The following COL19A1 variants were observed in gnomAD, a reference collection of about 807,000 sequenced individuals.
COL19A1 encodes the protein collagen type XIX alpha 1 chain, also known as collagen alpha-1(XIX) chain.
COL19A1 carries 159 observed loss-of-function variants against 190.2 expected under a neutral mutation model. The ratio of observed to expected loss-of-function variants is 0.84; its 90% CI spans 0.73 to 0.95. The LOEUF is 0.95. Ranked by LOEUF, COL19A1 falls within the 40% of genes least tolerant of loss-of-function variation. The pLI is 0.00. For synonymous variants in COL19A1, 509 were observed against 458.9 expected, an observed-to-expected ratio of 1.11 and a Z score of -1.39; for missense variants, 1,418 against 1,431.9, an observed-to-expected ratio of 0.99 and a Z score of 0.16.
At chr6:70,163,425 C>T (rs1411164971) in intron 36 of COL19A1, 29 bp downstream of exon 36, 5 of 1,603,078 alleles carry the variant, frequency 3.1e-6, no homozygotes, top group Non-Finnish European at 4.3e-6. Flanking sequence ...ACTTACCATC[C>T]AAACTGGGGC....
chr6:69,908,144 G>A (rs1387945287), intron 4 of COL19A1, among the ~76,000 whole-genome samples: 1 of 152,162 alleles, frequency 6.6e-6, no homozygotes, highest in Admixed American at 6.5e-5. Context: ...GGACTATTTT[G>A]TAATGCATAG....
chr6:70,111,296 G>T (rs1281887451), intron 16 of COL19A1, among the ~76,000 whole-genome samples: 3 of 152,148 alleles, frequency 2.0e-5, no homozygotes, highest in African/African-American at 7.2e-5. Flanking sequence ...TCAAAGTAAA[G>T]ACTGAAGGAA....
chr6:70,078,387 A>G (rs1782018464), intron 15 of COL19A1, among the ~76,000 whole-genome samples: 1 of 152,244 alleles, frequency 6.6e-6, no homozygotes, highest in Non-Finnish European at 1.5e-5. Flanking sequence ...GGAAGCAGAC[A>G]AGAGAAGAGA....
At chr6:70,044,005 A>G (rs1779772565) in intron 14 of COL19A1, among the ~76,000 whole-genome samples, 1 of 152,198 alleles carries the variant, frequency 6.6e-6, no homozygotes, top group Non-Finnish European at 1.5e-5. Flanking sequence ...ACCTTCATTG[A>G]AGATCTTGGA....
Position 70,207,142 on chromosome 6 carries a change from G to GAA in COL19A1, c.3302-5_3302-4insAA. 6.2e-7 allele frequency: 1 copy of GAA among 1,610,962 alleles called. No individual in the cohort carries two copies. The highest frequency in any genetic ancestry group is 1.3e-5 in the African/African-American group (1 of 74,448). The stretch of plus-strand genomic sequence containing the variant: ...TGCATTGTAATTTTTTTTTTATGTC[G>GAA]TTAGCTCTGGGTTTGCCAGGCTCAC... On this transcript the variant is annotated splice_polypyrimidine_tract_variant and splice_region_variant and intron_variant, in intron 50 of 50. Transcript: ENST00000620364.
chr6:70,029,647 G>T (rs1778922714), intron 12 of COL19A1, among the ~76,000 whole-genome samples: 1 of 152,124 alleles, frequency 6.6e-6, no homozygotes, highest in African/African-American at 2.4e-5. Context: ...GTTTCTCAGA[G>T]GCTATTACAA....
Position 70,156,302 on chromosome 6 carries a change from CCT to C in COL19A1, c.2185-11_2185-10del, listed in dbSNP as rs750541853. On this transcript the variant is annotated splice_polypyrimidine_tract_variant and intron_variant, in intron 32 of 50. Transcript: ENST00000620364. ...AGTGCATCCTCTCAGTTCTGTTCTT[CCT>C]CTGTCTTCTAGGGTGATATAGGGCC... 3 of 1,613,252 alleles carry C rather than the reference CCT, an allele frequency of 1.9e-6. No individual in the cohort carries two copies. In the South Asian group the frequency reaches 3.3e-5, roughly 18 times the overall value.
At chr6:70,151,567 T>G (rs1787058627) in intron 31 of COL19A1, 129 bp downstream of exon 31, 1 of 772,966 alleles carries the variant, frequency 1.3e-6, no homozygotes, top group African/African-American at 1.7e-5. Flanking sequence ...CAGGACATCT[T>G]TAAGATAGGA....
In COL19A1 at chr6:70,146,644, CT is replaced by C; in HGVS notation, c.1771-8del. ...TTCTAGAAGAAGATATGTATTCATACTTTTTTTCTTTTAGGGATTAGATGGA... is the reference window on the plus strand; with the variant it reads ...TTCTAGAAGAAGATATGTATTCATACTTTTTTCTTTTAGGGATTAGATGGA... On this transcript the variant is annotated splice_polypyrimidine_tract_variant and intron_variant, in intron 25 of 50. Coordinates refer to ENST00000620364, the MANE Select transcript of COL19A1 (RefSeq NM_001858.6). The C allele has an allele frequency of 1.3e-6, 2 of 1,594,614 alleles. No homozygotes were observed. Among genetic ancestry groups the C allele is most frequent in the South Asian group, 1.1e-5 (1 of 87,954 alleles).
At position 69,920,357 on chromosome 6, in the gene COL19A1, G is replaced by A. The variant is rs544864813; in HGVS notation, c.267-7552G>A. Among the ~76,000 whole-genome samples the A allele has an allele frequency of 2.0e-3, 310 of 152,194 alleles. 1 individual carries two copies. Among genetic ancestry groups the A allele is most frequent in the African/African-American group, 7.2e-3 (298 of 41,518 alleles). Reference sequence around the variant, plus strand: ...TTTCTTCCATTTTATGATTAAACAGGGGGCTGCTGTACATAGAGAATGTCA... The same window carrying A: ...TTTCTTCCATTTTATGATTAAACAGAGGGCTGCTGTACATAGAGAATGTCA... On this transcript the variant is annotated intron_variant, in intron 4 of 50. Transcript: ENST00000620364.
intron 16 of COL19A1, among the ~76,000 whole-genome samples, chr6:70,114,743 A>T (rs1015795298): frequency 5.3e-5 from 8 of 152,044 alleles, no homozygotes; most frequent in Non-Finnish European, 1.2e-4. Context: ...TTCCTCTGTT[A>T]AAGTCTTTAT....
intron 17 of COL19A1, among the ~76,000 whole-genome samples, chr6:70,129,235 A>G (rs1369401642): frequency 6.6e-6 from 1 of 152,174 alleles, no homozygotes; most frequent in African/African-American, 2.4e-5. Flanking sequence ...AGAGTAACTT[A>G]AGGGAAATGT....
chr6:70,068,133 T>G (rs1781353696), intron 14 of COL19A1, among the ~76,000 whole-genome samples: 1 of 151,976 alleles, frequency 6.6e-6, no homozygotes, highest in South Asian at 2.1e-4. Flanking sequence ...TTATGGTGGT[T>G]TGTTGAAACA....
intron 2 of COL19A1, among the ~76,000 whole-genome samples, chr6:69,886,151 G>T (rs1290878792): frequency 2.0e-5 from 3 of 152,024 alleles, no homozygotes; most frequent in Admixed American, 2.0e-4. Flanking sequence ...CAAATAATCT[G>T]ATTTAAAAAT....
At chr6:69,910,940 G>A (rs1400670448) in intron 4 of COL19A1, among the ~76,000 whole-genome samples, 2 of 152,158 alleles carry the variant, frequency 1.3e-5, no homozygotes, top group Non-Finnish European at 2.9e-5. Flanking sequence ...TATAATGGTT[G>A]TAAACCTACA....
intron 11 of COL19A1, among the ~76,000 whole-genome samples, chr6:69,977,389 A>G (rs1775775593): frequency 7.8e-6 from 1 of 128,998 alleles, no homozygotes; most frequent in African/African-American, 2.9e-5. Context: ...CAGGGAGGGG[A>G]ACATCACACA....
chr6:70,175,388 T>G (rs556853804), intron 41 of COL19A1, among the ~76,000 whole-genome samples: 44 of 152,220 alleles, frequency 2.9e-4, no homozygotes, highest in African/African-American at 9.9e-4. Flanking sequence ...AAAATCAGAA[T>G]GTCACTAATA....
chr6:69,921,300 C>CAT (rs1278301657), intron 4 of COL19A1, among the ~76,000 whole-genome samples: 2 of 127,730 alleles, frequency 1.6e-5, no homozygotes, highest in African/African-American at 5.9e-5. Flanking sequence ...TCATATATAT[C>CAT]ATATATCATA....
intron 16 of COL19A1, among the ~76,000 whole-genome samples, chr6:70,116,448 A>G (rs965629039): frequency 6.6e-6 from 1 of 152,142 alleles, no homozygotes; most frequent in East Asian, 1.9e-4. Context: ...TTGCCCTCAC[A>G]AAGTTTTTGT....
Sources: gnomAD v4.1 joint callset for allele counts (sites outside exome capture counted in the v4.1 genomes callset) on GRCh38, gnomAD v4.1.1 for gene constraint, MANE v1.5 for transcripts, NCBI Gene and HGNC (gene_info 2026-07-23, HGNC 2026-07-21) for gene names.